The following RGS22 variants were observed in gnomAD, a reference collection of about 807,000 sequenced individuals.
RGS22 encodes regulator of G-protein signaling 22.
Under a neutral mutation model 172.9 loss-of-function variants are expected in RGS22, and 148 were observed. The ratio of observed to expected loss-of-function variants is 0.86; its 90% confidence interval spans 0.75 to 0.98. The LOEUF (loss-of-function observed/expected upper bound fraction) is 0.98, where lower values mean the gene tolerates loss of function less well. Among genes scored for constraint, RGS22 ranks in the 50% least tolerant of loss-of-function variants. The pLI, the probability that RGS22 is intolerant of heterozygous loss-of-function variation, is 0.00. For missense variants in RGS22, 1,347 were observed against 1,440.8 expected (o/e 0.93, Z 1.05); for synonymous variants, 458 against 480.2 (o/e 0.95, Z 0.60).
chr8:100,068,737 G>C (rs1338621796), intron 6 of RGS22, among the ~76,000 whole-genome samples: 2 of 152,016 alleles, frequency 1.3e-5, no homozygotes, highest in Non-Finnish European at 2.9e-5. Flanking sequence ...TTCAAGACCA[G>C]CTTGGGCAAC....
chr8:100,074,242 C>T lies in RGS22; in HGVS notation c.340-2012G>A, dbSNP rs76407427. Among the ~76,000 whole-genome samples, 941 of 152,292 alleles carry T rather than the reference C, an allele frequency of 6.2e-3. 11 individuals are homozygous for T. The highest frequency in any genetic ancestry group is 0.021 in the African/African-American group (893 of 41,564). Reference sequence around the variant, plus strand: ...TAGATGTACAAGGCAAACAAAGCATCGTTATCAGCCAATAGATCTTATTGG... The same window carrying T: ...TAGATGTACAAGGCAAACAAAGCATTGTTATCAGCCAATAGATCTTATTGG... On this transcript the variant is annotated intron_variant, in intron 4 of 27. Transcript: ENST00000360863.
At position 100,080,306 on chromosome 8, in the gene RGS22, A is replaced by C; in HGVS notation, c.167T>G (p.Val56Gly). ...CAGAAATTGTGGAGCATCATTAGCT[A>C]CTTCAAAAACTCCATAATCTGCATT... is the stretch of plus-strand genomic sequence containing the variant. ...RFNADYGVFE[V>G]ANDAPQFLEK... is the part of the protein sequence containing the mutation. The change falls in exon 4 of 28, where the codon GTA (valine) becomes GGA (glycine). Residue 56 changes from valine to glycine, a missense_variant. Transcript: ENST00000360863. The C allele has an allele frequency of 1.2e-6, 2 of 1,613,604 alleles. No homozygotes were observed. The highest frequency in any genetic ancestry group is 4.5e-5 in the East Asian group (2 of 44,836).
At chr8:99,998,085 T>A (rs1233967308) in intron 19 of RGS22, among the ~76,000 whole-genome samples, 43 of 152,190 alleles carry the variant, frequency 2.8e-4, no homozygotes, top group Admixed American at 2.6e-3. Flanking sequence ...TTTAAGGAAA[T>A]CTGCATATTT....
intron 10 of RGS22, among the ~76,000 whole-genome samples, chr8:100,050,538 C>A (rs1438837693): frequency 1.3e-5 from 2 of 152,096 alleles, no homozygotes; most frequent in Admixed American, 1.3e-4. Context: ...AATAAGACAT[C>A]CTGAATATAA....
Position 100,066,239 on chromosome 8 carries a change from C to T in RGS22, c.652G>A (p.Val218Ile). Reference sequence around the variant, plus strand: ...CAACAGGGTAACGAAAAGGTTGATACTGTTTGCTGACTTTGTTTTGCTAAT... The same window carrying T: ...CAACAGGGTAACGAAAAGGTTGATATTGTTTGCTGACTTTGTTTTGCTAAT... ...FALAKQSQQT[V>I]STFSLPCCVP... Residue 218 changes from valine (V) to isoleucine (I), a missense_variant, in exon 7 of 28, where the codon GTA (valine) becomes ATA (isoleucine). Coordinates refer to ENST00000360863, the MANE Select transcript of RGS22 (RefSeq NM_015668.5). The T allele has an allele frequency of 6.2e-7, 1 of 1,613,234 alleles. No homozygotes were observed. The highest frequency in any genetic ancestry group is 8.5e-7 in the Non-Finnish European group (1 of 1,179,314).
chr8:100,063,215 A>G (rs1810282229), intron 8 of RGS22, among the ~76,000 whole-genome samples: 1 of 152,200 alleles, frequency 6.6e-6, no homozygotes, highest in African/African-American at 2.4e-5. Flanking sequence ...TGTTATCATT[A>G]GTATCTGAAA....
At chr8:100,047,368 C>A in intron 11 of RGS22, 95 bp downstream of exon 11, 2 of 1,135,208 alleles carry the variant, frequency 1.8e-6, no homozygotes, top group South Asian at 1.9e-5. Flanking sequence ...GTAAAAATAT[C>A]AAAGTACTAG....
intron 15 of RGS22, among the ~76,000 whole-genome samples, chr8:100,006,987 A>G (rs1272808785): frequency 6.6e-6 from 1 of 152,134 alleles, no homozygotes; most frequent in East Asian, 1.9e-4. Context: ...TAAAATAATG[A>G]CTGGAGAGAA....
chr8:100,043,544 G>A (rs1264552855), intron 11 of RGS22, among the ~76,000 whole-genome samples: 1 of 152,148 alleles, frequency 6.6e-6, no homozygotes, highest in Non-Finnish European at 1.5e-5. Context: ...GGGAGGCTGA[G>A]GTAGGTGGAT....
At chr8:99,980,587 A>G (rs867674022) in intron 22 of RGS22, among the ~76,000 whole-genome samples, 7 of 152,276 alleles carry the variant, frequency 4.6e-5, no homozygotes, top group Non-Finnish European at 7.4e-5. Context: ...ATAACAACAG[A>G]TTCAGTGTGA....
At chr8:100,016,257 T>C (rs1248681540) in intron 14 of RGS22, among the ~76,000 whole-genome samples, 1 of 152,178 alleles carries the variant, frequency 6.6e-6, no homozygotes, top group African/African-American at 2.4e-5. Flanking sequence ...AGAACTTGGG[T>C]TGACGCTTCA....
chr8:100,097,904 A>G (rs1020608544), intron 2 of RGS22, among the ~76,000 whole-genome samples: 1 of 152,100 alleles, frequency 6.6e-6, no homozygotes, highest in Admixed American at 6.6e-5. Context: ...CCAATCTCCA[A>G]TCCTTTTCTA....
rs560246750 is a variant in RGS22 at position 100,044,913 on chromosome 8, G to C, written c.1823+2550C>G. On this transcript the variant is annotated intron_variant, in intron 11 of 27. Transcript: ENST00000360863. ...CTAATGTAGTTTTACATTTTTTATT[G>C]AGATAAAATTCACATTGTCAACACA... Among the ~76,000 whole-genome samples the C allele has an allele frequency of 2.0e-4, 31 of 152,050 alleles. 1 individual carries two copies. The East Asian group carries it at 4.6e-3, about 23-fold the overall frequency.
chr8:100,007,665 T>G (rs1815869283), intron 15 of RGS22, among the ~76,000 whole-genome samples: 1 of 152,062 alleles, frequency 6.6e-6, no homozygotes, highest in Non-Finnish European at 1.5e-5. Context: ...AAGAAGGGCA[T>G]ATTTACTTAT....
chr8:99,988,835 A>G (rs1813385238), intron 20 of RGS22, among the ~76,000 whole-genome samples: 3 of 152,192 alleles, frequency 2.0e-5, no homozygotes, highest in Admixed American at 2.0e-4. Context: ...AGTGAGACAC[A>G]TGTCATGTTC....
chr8:100,078,161 A>T (rs996433720), intron 4 of RGS22, among the ~76,000 whole-genome samples: 3 of 152,058 alleles, frequency 2.0e-5, no homozygotes, highest in Non-Finnish European at 2.9e-5. Context: ...GGATTTTTTT[A>T]AAAAATCATC....
At chr8:100,018,587 T>C (rs951159161) in intron 14 of RGS22, among the ~76,000 whole-genome samples, 2 of 152,208 alleles carry the variant, frequency 1.3e-5, no homozygotes, top group African/African-American at 2.4e-5. Flanking sequence ...TGAACAAATA[T>C]TCCTGTTTGC....
At chr8:100,089,227 C>T (rs928356601) in intron 3 of RGS22, among the ~76,000 whole-genome samples, 5 of 151,828 alleles carry the variant, frequency 3.3e-5, no homozygotes, top group African/African-American at 1.2e-4. Context: ...CACACACACA[C>T]ACACACACGA....
chr8:100,004,673 G>C (rs1286068153), intron 16 of RGS22: 1 of 151,798 alleles, frequency 6.6e-6, no homozygotes, highest in South Asian at 2.1e-4. Context: ...ATAGGATTAT[G>C]CACCTATTTA....
Sources: gnomAD v4.1 joint callset for allele counts (sites outside exome capture counted in the v4.1 genomes callset) on GRCh38, gnomAD v4.1.1 for gene constraint, MANE v1.5 for transcripts, NCBI Gene and HGNC (gene_info 2026-07-23, HGNC 2026-07-21) for gene names.